Variants in WARS2 observed in about 807,000 individuals in gnomAD.
WARS2 encodes tryptophanyl tRNA synthetase 2, mitochondrial.
In WARS2, 28 loss-of-function variants were observed where a neutral mutation model predicts 36.5. That is an observed-to-expected ratio of 0.77 (90% CI 0.57 to 1.05). The LOEUF (loss-of-function observed/expected upper bound fraction) is 1.05, where lower values mean the gene tolerates loss of function less well. WARS2 is among the 50% of genes least tolerant of loss of function. WARS2 has a pLI of 0.00. For missense variants in WARS2, 435 were observed against 456.8 expected, an observed-to-expected ratio of 0.95 and a Z score of 0.44; for synonymous variants, 174 against 178.4, an observed-to-expected ratio of 0.98 and a Z score of 0.20.
chr1:119,080,251 T>C (rs867326576), intron 1 of WARS2, among the ~76,000 whole-genome samples: 28 of 152,168 alleles, frequency 1.8e-4, no homozygotes, highest in Admixed American at 5.2e-4. Context: ...TAAAGGGTTA[T>C]AAAGACCAGG....
intron 1 of WARS2, among the ~76,000 whole-genome samples, chr1:119,107,175 T>C (rs769519669): frequency 1.3e-5 from 2 of 152,174 alleles, no homozygotes; most frequent in Non-Finnish European, 2.9e-5. Context: ...TATTGAGTTA[T>C]AAGAGTTCTT....
intron 1 of WARS2, among the ~76,000 whole-genome samples, chr1:119,110,614 TTTTA>T (rs1414350059): frequency 3.3e-5 from 5 of 151,832 alleles, no homozygotes; most frequent in East Asian, 1.9e-4. Context: ...GTTTTGGGGG[TTTTA>T]TTTGTTTGCT....
chr1:119,119,323 A>G (rs1011047353), intron 1 of WARS2, among the ~76,000 whole-genome samples: 2 of 152,150 alleles, frequency 1.3e-5, no homozygotes, highest in African/African-American at 4.8e-5. Flanking sequence ...AAAGACAAAC[A>G]GAGACATTAT....
chr1:119,127,256 G>C (rs587679659), intron 1 of WARS2: 4 of 762,676 alleles, frequency 5.2e-6, no homozygotes, highest in South Asian at 1.4e-5. Flanking sequence ...CCTTTTTGCC[G>C]CCTTTCATAA....
chr1:119,140,590 G>A lies in WARS2; in HGVS notation c.55C>T (p.Leu19Phe), dbSNP rs934444907. Residue 19 changes from leucine (L) to phenylalanine (F), a missense_variant, in exon 1 of 6, where the codon CTT (leucine) becomes TTT (phenylalanine). Coordinates refer to ENST00000235521, the MANE Select transcript of WARS2 (RefSeq NM_015836.4). ...ARERWSFIRA[L>F]HKGSAAAPAL... ...GGAGCAGCTGCGGATCCCTTATGAA[G>A]TGCCCGGATGAAGCTCCAGCGCTCA... The A allele has an allele frequency of 1.2e-6, 2 of 1,613,842 alleles. No homozygotes were observed. The highest frequency in any genetic ancestry group is 1.7e-5 in the Admixed American group (1 of 59,990).
intron 1 of WARS2, among the ~76,000 whole-genome samples, chr1:119,131,131 C>A (rs1236040637): frequency 6.6e-6 from 1 of 152,160 alleles, no homozygotes; most frequent in Non-Finnish European, 1.5e-5. Context: ...TGGAAGCAAT[C>A]ATTTCCAGCT....
chr1:119,036,028 A>G (rs1223852535), intron 4 of WARS2, among the ~76,000 whole-genome samples: 1 of 152,138 alleles, frequency 6.6e-6, no homozygotes, highest in Non-Finnish European at 1.5e-5. Flanking sequence ...AACAAGGCGA[A>G]ACCCGGTCCC....
intron 1 of WARS2, among the ~76,000 whole-genome samples, chr1:119,094,111 AAGTTCTAGG>A (rs1239043219): frequency 1.3e-5 from 2 of 152,204 alleles, no homozygotes; most frequent in Admixed American, 6.5e-5. Flanking sequence ...TCTGGGATCA[AAGTTCTAGG>A]ATCACATTTG....
At chr1:119,042,212 ACT>A in intron 4 of WARS2, 50 bp downstream of exon 4, 1 of 1,566,322 alleles carries the variant, frequency 6.4e-7, no homozygotes, top group Non-Finnish European at 8.8e-7. Flanking sequence ...AGGTTAAAAC[ACT>A]CTCTTGTCAC....
chr1:119,104,726 C>T (rs1449141824), intron 1 of WARS2, among the ~76,000 whole-genome samples: 1 of 149,180 alleles, frequency 6.7e-6, no homozygotes, highest in African/African-American at 2.5e-5. Context: ...TGAACTTTTA[C>T]CTAAATAATA....
chr1:119,034,027 G>T, intron 5 of WARS2, 68 bp downstream of exon 5: 3 of 1,404,818 alleles, frequency 2.1e-6, no homozygotes, highest in Non-Finnish European at 2.0e-6. Flanking sequence ...AAAGTTCCAA[G>T]CCTATCTATT....
intron 3 of WARS2, among the ~76,000 whole-genome samples, chr1:119,044,092 T>C (rs1160960215): frequency 1.3e-5 from 2 of 152,202 alleles, no homozygotes; most frequent in African/African-American, 4.8e-5. Flanking sequence ...TTGACTGCTA[T>C]ATCTCTAGCA....
At chr1:119,057,491 A>C (rs1649924981) in intron 2 of WARS2, among the ~76,000 whole-genome samples, 1 of 151,834 alleles carries the variant, frequency 6.6e-6, no homozygotes, top group Admixed American at 6.6e-5. Context: ...TAAAGTGGCC[A>C]TTTAAAATAT....
chr1:119,083,651 C>A (rs1435705191), intron 1 of WARS2, among the ~76,000 whole-genome samples: 1 of 152,110 alleles, frequency 6.6e-6, no homozygotes, highest in Admixed American at 6.6e-5. Context: ...GACACTTTGG[C>A]TCCCAGGAAG....
chr1:119,120,458 G>A (rs765013255), intron 1 of WARS2, among the ~76,000 whole-genome samples: 2 of 152,012 alleles, frequency 1.3e-5, no homozygotes, highest in African/African-American at 2.4e-5. Flanking sequence ...ATTCACAGCC[G>A]AATTCTATCA....
chr1:119,112,964 C>G, intron 1 of WARS2, among the ~76,000 whole-genome samples: 1 of 151,870 alleles, frequency 6.6e-6, no homozygotes, highest in East Asian at 1.9e-4. Context: ...CATGACTGAC[C>G]GTAAGGAATA....
At chr1:119,128,080 A>C (rs1655804066) in intron 1 of WARS2, among the ~76,000 whole-genome samples, 1 of 151,956 alleles carries the variant, frequency 6.6e-6, no homozygotes, top group Non-Finnish European at 1.5e-5. Flanking sequence ...AAAATTTTTT[A>C]ACTTTTTCTT....
rs966506234 is a variant in WARS2 at position 119,032,492 on chromosome 1, G to A, written c.*419C>T. On this transcript the variant is annotated 3_prime_UTR_variant, in exon 6 of 6. Transcript: ENST00000235521. ...GCATCTGATCAAATGGCATCTCAAG[G>A]ATTATACATCTAAGACCTCTATATA... 1 of 160,818 alleles carries A rather than the reference G, an allele frequency of 6.2e-6. No homozygotes were observed. Among genetic ancestry groups the A allele is most frequent in the Non-Finnish European group, 1.4e-5 (1 of 73,716 alleles). The allele number at this position is 160,818 out of a possible 1,614,324, so 10.0% of individuals were successfully genotyped here. A position where few individuals can be genotyped will look rare whatever the true frequency, so the allele number is the denominator to read the frequency against.
chr1:119,112,949 A>T (rs983157523), intron 1 of WARS2, among the ~76,000 whole-genome samples: 1 of 152,192 alleles, frequency 6.6e-6, no homozygotes, highest in African/African-American at 2.4e-5. Context: ...TAAGGCAGTG[A>T]CTACCATGAC....
Sources: gnomAD v4.1 joint callset for allele counts (sites outside exome capture counted in the v4.1 genomes callset) on GRCh38, gnomAD v4.1.1 for gene constraint, MANE v1.5 for transcripts, NCBI Gene and HGNC (gene_info 2026-07-23, HGNC 2026-07-21) for gene names.